Variants in ATG7 observed in about 807,000 individuals in gnomAD.
ATG7 encodes the protein ubiquitin-like modifier-activating enzyme ATG7.
Under a neutral mutation model 82.4 loss-of-function variants are expected in ATG7, and 70 were observed. The observed-to-expected ratio is 0.85, with a 90% confidence interval of 0.70 to 1.04. The LOEUF is 1.04. Ranked by LOEUF, ATG7 falls within the 50% of genes least tolerant of loss-of-function variation. The pLI is 0.00. For missense variants in ATG7, 792 were observed against 864.3 expected (o/e 0.92, Z 1.05); for synonymous variants, 287 against 313.0 (o/e 0.92, Z 0.88).
At chr3:11,559,342 C>T (rs1377172672), downstream of ATG7, 3 of 1,544,966 alleles carry the variant, frequency 1.9e-6, no homozygotes, top group South Asian at 1.2e-5. Flanking sequence ...CGCTCGGTGG[C>T]CTCCGGTAGC....
intron 9 of ATG7, among the ~76,000 whole-genome samples, chr3:11,321,537 G>T (rs958518977): frequency 6.4e-4 from 97 of 152,308 alleles, no homozygotes; most frequent in Admixed American, 6.3e-3. Context: ...AGAGACTAGG[G>T]AATGGAAGCC....
chr3:11,512,369 C>T (rs955786042), intron 20 of ATG7, among the ~76,000 whole-genome samples: 6 of 152,220 alleles, frequency 3.9e-5, no homozygotes. Flanking sequence ...GGTGCTGCAG[C>T]TTGGCCAAGG....
intron 20 of ATG7, among the ~76,000 whole-genome samples, chr3:11,506,232 G>T (rs1047946506): frequency 1.3e-5 from 2 of 152,178 alleles, no homozygotes; most frequent in East Asian, 3.9e-4. Context: ...AAACATGGTA[G>T]AAATTTGTTT....
chr3:11,574,310 C>T, the ATG7 span, among the ~76,000 whole-genome samples: 1 of 152,310 alleles, frequency 6.6e-6, no homozygotes, highest in Non-Finnish European at 1.5e-5. Flanking sequence ...AAAGCTTCCT[C>T]TGGACATTTA....
intron 19 of ATG7, among the ~76,000 whole-genome samples, chr3:11,416,395 C>T (rs1053198161): frequency 1.1e-4 from 16 of 151,992 alleles, no homozygotes; most frequent in African/African-American, 3.1e-4. Context: ...TAGAAATAGG[C>T]CTGTTTAGAA....
rs189722892 is a variant in ATG7 at position 11,492,355 on chromosome 3, C to A, written c.2080-62456C>A. Among the ~76,000 whole-genome samples the A allele has an allele frequency of 2.5e-3, 376 of 152,306 alleles. 4 individuals are homozygous for A. The highest frequency in any genetic ancestry group is 3.6e-3 in the Non-Finnish European group (242 of 68,034). ...GTGCTCTGCATACACTGTCCTGCGC[C>A]CACTGTCTGGCACTCCCTAGTGAGA... On this transcript the variant is annotated intron_variant, in intron 20 of 20. Coordinates refer to ENST00000693202, the MANE Select transcript of ATG7 (RefSeq NM_001349232.2).
chr3:11,335,032 C>T (rs1952220750), intron 11 of ATG7, among the ~76,000 whole-genome samples: 1 of 151,716 alleles, frequency 6.6e-6, no homozygotes, highest in Admixed American at 6.6e-5. Context: ...CAGGATTGGC[C>T]CACATGACAT....
At chr3:11,336,791 G>A (rs770960406) in intron 11 of ATG7, among the ~76,000 whole-genome samples, 1 of 152,022 alleles carries the variant, frequency 6.6e-6, no homozygotes, top group Non-Finnish European at 1.5e-5. Context: ...CCCCAGCTTA[G>A]CTTCCCGAGT....
intron 20 of ATG7, among the ~76,000 whole-genome samples, chr3:11,505,919 C>T (rs924433529): frequency 3.3e-5 from 5 of 152,200 alleles, no homozygotes; most frequent in Admixed American, 2.6e-4. Context: ...CCTGGCTCCA[C>T]CATCTTCATG....
intron 20 of ATG7, among the ~76,000 whole-genome samples, chr3:11,537,001 G>A (rs557513722): frequency 3.3e-5 from 5 of 152,018 alleles, no homozygotes; most frequent in Non-Finnish European, 5.9e-5. Flanking sequence ...CTTCCTGCCC[G>A]AGTTCTGCAG....
chr3:11,499,346 C>T (rs1270421441), intron 20 of ATG7, among the ~76,000 whole-genome samples: 1 of 152,106 alleles, frequency 6.6e-6, no homozygotes, highest in Non-Finnish European at 1.5e-5. Flanking sequence ...GATATGAGAT[C>T]ATCAGAAGGA....
intron 20 of ATG7, among the ~76,000 whole-genome samples, chr3:11,476,367 C>G (rs116510612): frequency 0.011 from 1,705 of 151,454 alleles, 30 homozygotes; most frequent in African/African-American, 0.039. Flanking sequence ...GTGGATGCGT[C>G]AACAATGGCT....
chr3:11,511,352 T>C (rs894621687), intron 20 of ATG7, among the ~76,000 whole-genome samples: 5 of 152,178 alleles, frequency 3.3e-5, no homozygotes, highest in South Asian at 2.1e-4. Context: ...ATTAGTTAGA[T>C]ACAGAGTTTC....
intron 19 of ATG7, among the ~76,000 whole-genome samples, chr3:11,395,965 A>AAAAAAG (rs1435086133): frequency 1.3e-5 from 1 of 78,084 alleles, no homozygotes; most frequent in East Asian, 4.5e-4. Context: ...AAAAAAAAAA[A>AAAAAAG]GGTAGGGGGG....
At chr3:11,467,062 T>A (rs970014757) in intron 20 of ATG7, among the ~76,000 whole-genome samples, 12 of 152,052 alleles carry the variant, frequency 7.9e-5, no homozygotes, top group Non-Finnish European at 1.5e-4. Context: ...AGGCAGAGGT[T>A]GCAGTGAGCT....
At chr3:11,292,238 T>C (rs1945094060) in intron 3 of ATG7, among the ~76,000 whole-genome samples, 2 of 152,010 alleles carry the variant, frequency 1.3e-5, no homozygotes, top group East Asian at 3.9e-4. Context: ...GAATTTATTT[T>C]TTTCTTTCTT....
At chr3:11,327,999 A>G (rs1951114750) in intron 9 of ATG7, among the ~76,000 whole-genome samples, 1 of 152,202 alleles carries the variant, frequency 6.6e-6, no homozygotes, top group Non-Finnish European at 1.5e-5. Flanking sequence ...CAAGATAATG[A>G]CAGTTCAGAG....
intron 19 of ATG7, among the ~76,000 whole-genome samples, chr3:11,403,034 T>G (rs2079985717): frequency 6.6e-6 from 1 of 152,236 alleles, no homozygotes. Flanking sequence ...ACAAACACTT[T>G]GCTGTAGTGA....
chr3:11,308,536 G>T, intron 6 of ATG7: 1 of 159,716 alleles, frequency 6.3e-6, no homozygotes, highest in East Asian at 1.8e-4. Flanking sequence ...ACCTACTTCT[G>T]TGACAGCAAA....
Sources: allele counts gnomAD v4.1 joint callset (sites outside exome capture counted in the v4.1 genomes callset), GRCh38; gene constraint gnomAD v4.1.1; transcripts MANE v1.5; gene names NCBI Gene and HGNC (gene_info 2026-07-23, HGNC 2026-07-21).